TIE1: variants seen among roughly 807,000 people sequenced by gnomAD.
TIE1 encodes the protein tyrosine kinase with immunoglobulin like and EGF like domains 1.
In TIE1, 89 loss-of-function variants were observed where a neutral mutation model predicts 130.5. That is an observed-to-expected ratio of 0.68 (90% confidence interval 0.57 to 0.81). TIE1 has a LOEUF of 0.81. Among genes scored for constraint, TIE1 ranks in the 40% least tolerant of loss-of-function variants. The pLI is 0.00. For missense variants in TIE1, 1,392 were observed against 1,559.8 expected, an observed-to-expected ratio of 0.89 and a Z score of 1.81; for synonymous variants, 568 against 629.4, an observed-to-expected ratio of 0.90 and a Z score of 1.46.
At position 43,315,782 on chromosome 1, in the gene TIE1, A is replaced by G. The variant is rs1336235262; in HGVS notation, c.2410-1417A>G. Among the ~76,000 whole-genome samples the G allele has an allele frequency of 6.6e-6, 1 of 152,150 alleles. No homozygotes were observed. Among genetic ancestry groups the G allele is most frequent in the African/African-American group, 2.4e-5 (1 of 41,428 alleles). The stretch of plus-strand genomic sequence containing the variant: ...TGGTGGGGGAGGGTAATGGGTACAG[A>G]TGTCGAGGGCAGGAGGTGGGAAAGC... On this transcript the variant is annotated intron_variant, in intron 14 of 22. Transcript: ENST00000372476. The surrounding 1 kb of genome is among the most constrained non-coding windows in gnomAD (Gnocchi z 4.4).
At chr1:43,311,077 G>A (rs975584884) in intron 9 of TIE1, among the ~76,000 whole-genome samples, 2 of 152,188 alleles carry the variant, frequency 1.3e-5, no homozygotes, top group African/African-American at 4.8e-5. Context: ...GGAGTAGAAT[G>A]GATAGATCTG....
Position 43,306,212 on chromosome 1 carries a change from A to G in TIE1, c.485-628A>G, listed in dbSNP as rs1646726825. Among the ~76,000 whole-genome samples, 1 of 152,184 alleles carries G rather than the reference A, an allele frequency of 6.6e-6. No homozygotes were observed. Among genetic ancestry groups the G allele is most frequent in the Non-Finnish European group, 1.5e-5 (1 of 68,026 alleles). On this transcript the variant is annotated intron_variant, in intron 3 of 22. Transcript: ENST00000372476. This position sits in a 1 kb window ranked among gnomAD's most constrained non-coding sequence, Gnocchi z 4.9. ...AAGTGGGAAGACAAAGAAGGCAGAA[A>G]AGGAAGGAAGGGCCTTCCAGGAGGA...
At position 43,312,297 on chromosome 1, in the gene TIE1, G is replaced by A; in HGVS notation, c.1631-8G>A. 1.3e-6 allele frequency: 2 copies of A among 1,541,386 alleles called. No individual in the cohort carries two copies. The highest frequency in any genetic ancestry group is 1.8e-6 in the Non-Finnish European group (2 of 1,142,454). On this transcript the variant is annotated splice_polypyrimidine_tract_variant and splice_region_variant and intron_variant, in intron 11 of 22. Transcript: ENST00000372476. This position sits in a 1 kb window ranked among gnomAD's most constrained non-coding sequence, Gnocchi z 5.6. ...TGGACAGTTCTGACCCCTGACCTCT[G>A]GCCCCAGAGCCTTTGTTGCAGCCGT...
rs1298927956 is a variant in TIE1 at position 43,307,160 on chromosome 1, G to C, written c.659G>C (p.Trp220Ser). ...LIVRGCGAGR[W>S]GPGCTKECPG... is the part of the protein sequence containing the mutation. The stretch of plus-strand genomic sequence containing the variant: ...CCTCCAGGTTGTGGGGCTGGGCGCT[G>C]GGGGCCAGGCTGTACCAAGGAGTGC... Residue 220 changes from tryptophan (W) to serine (S), a missense_variant, in exon 5 of 23, where the codon TGG becomes TCG. This residue lies in a region of TIE1 where 415 missense variants were observed against 424.8 expected (regional missense o/e 0.98). Transcript: ENST00000372476. The surrounding 1 kb of genome is among the most constrained non-coding windows in gnomAD (Gnocchi z 5.4). 6.2e-7 allele frequency: 1 copy of C among 1,614,012 alleles called. No individual in the cohort carries two copies. Among genetic ancestry groups the C allele is most frequent in the East Asian group, 2.2e-5 (1 of 44,872 alleles).
In TIE1 at chr1:43,315,710, TTGGCTCTTCCTCTGAGGTCAG is replaced by T. The variant is rs1447032206; in HGVS notation, c.2410-1486_2410-1466del. Among the ~76,000 whole-genome samples the T allele has an allele frequency of 1.3e-5, 2 of 151,942 alleles. No homozygotes were observed. On this transcript the variant is annotated intron_variant, in intron 14 of 22. Transcript: ENST00000372476. The surrounding 1 kb of genome is among the most constrained non-coding windows in gnomAD (Gnocchi z 4.4). ...ATTGGCTTCTTTGTTCCAAGCTGTG[TTGGCTCTTCCTCTGAGGTCAG>T]TGCACACAGAAAGCCCTCACTGCTG...
At position 43,309,066 on chromosome 1, in the gene TIE1, G is replaced by T; in HGVS notation, c.1123G>T (p.Ala375Ser). 6.2e-7 allele frequency: 1 copy of T among 1,613,958 alleles called. No individual in the cohort carries two copies. The part of the protein sequence containing the change: ...ETMPRINCAA[A>S]GNPFPVRGSI... ...GATGCCCCGGATCAACTGTGCAGCT[G>T]CAGGGAACCCCTTCCCCGTGCGGGG... Residue 375 changes from alanine to serine, a missense_variant, in exon 8 of 23, where the codon GCA (alanine) becomes TCA (serine). Physicochemically the swap from Ala to Ser is moderately conservative, Grantham distance 99 (BLOSUM62 1). Transcript: ENST00000372476. The surrounding 1 kb of genome is among the most constrained non-coding windows in gnomAD (Gnocchi z 6.3).
chr1:43,312,169 G>A lies in TIE1; in HGVS notation c.1630+38G>A, dbSNP rs1557447534. ...GAGTCATCCCTTCCTGTCCCCCCAA[G>A]GGTTACTTTCCCGTCGACCCCAGGG... On this transcript the variant is annotated intron_variant, in intron 11 of 22. Transcript: ENST00000372476. This position sits in a 1 kb window ranked among gnomAD's most constrained non-coding sequence, Gnocchi z 5.6. 1 of 1,516,136 alleles carries A rather than the reference G, an allele frequency of 6.6e-7. No individual in the cohort carries two copies. The highest frequency in any genetic ancestry group is 8.8e-7 in the Non-Finnish European group (1 of 1,131,830). 93.9% of individuals were successfully genotyped at this position (1,516,136 alleles called of 1,614,324 possible).
Position 43,304,856 on chromosome 1 carries a change from G to T in TIE1, c.64G>T (p.Ala22Ser). The T allele has an allele frequency of 7.0e-7, 1 of 1,419,962 alleles. No individual in the cohort carries two copies. Among genetic ancestry groups the T allele is most frequent in the Non-Finnish European group, 9.1e-7 (1 of 1,093,492 alleles). 88.0% of individuals were successfully genotyped at this position (1,419,962 alleles called of 1,614,324 possible). A position where few individuals can be genotyped will look rare whatever the true frequency, so the allele number is the denominator to read the frequency against. ...ILFLASHVGA[A>S]VDLTLLANLR... ...CACTGGTGTCCTGGCCCCAGGCGCG[G>T]CGGTGGACCTGACGCTGCTGGCCAA... is the stretch of plus-strand genomic sequence containing the variant. Residue 22 changes from alanine to serine, a missense_variant, in exon 2 of 23, where the codon GCG becomes TCG. By Grantham distance (99) the Ala-to-Ser change is moderately conservative. Around this residue, in one of 6 missense-constraint regions of TIE1, gnomAD observed 415 missense variants for 424.8 expected, o/e 0.98. Coordinates refer to ENST00000372476, the MANE Select transcript of TIE1 (RefSeq NM_005424.5).
chr1:43,319,592 A>T lies in TIE1; in HGVS notation c.3107+63A>T. 3 of 1,521,840 alleles carry T rather than the reference A, an allele frequency of 2.0e-6. No individual in the cohort carries two copies. The highest frequency in any genetic ancestry group is 2.7e-6 in the Non-Finnish European group (3 of 1,096,728). 94.3% of individuals were successfully genotyped at this position (1,521,840 alleles called of 1,614,324 possible). A position where few individuals can be genotyped will look rare whatever the true frequency, so the allele number is the denominator to read the frequency against. On this transcript the variant is annotated intron_variant, in intron 19 of 22. Transcript: ENST00000372476. The surrounding 1 kb of genome is among the most constrained non-coding windows in gnomAD (Gnocchi z 4.7). ...CCCAAGAATCACCCAGGCCTGACCTAGACATATCTCAGAAATGTCATAGGT... is the reference window on the plus strand; with the variant it reads ...CCCAAGAATCACCCAGGCCTGACCTTGACATATCTCAGAAATGTCATAGGT...
Position 43,306,903 on chromosome 1 carries a change from C to G in TIE1, c.548C>G (p.Pro183Arg), listed in dbSNP as rs770489522. 14 of 1,614,040 alleles carry G rather than the reference C, an allele frequency of 8.7e-6. No individual in the cohort carries two copies. The highest frequency in any genetic ancestry group is 1.7e-5 in the Admixed American group (1 of 60,028). Residue 183 changes from proline to arginine, a missense_variant, in exon 4 of 23, where the codon CCA (proline) becomes CGA (arginine). Around this residue, in one of 6 missense-constraint regions of TIE1, gnomAD observed 415 missense variants for 424.8 expected, o/e 0.98. Transcript: ENST00000372476. This position sits in a 1 kb window ranked among gnomAD's most constrained non-coding sequence, Gnocchi z 4.9. ...GATGGGCGGTTCCTGCTGCAGCTCC[C>G]AAATGTGCAGCCACCATCGAGCGGC... ...AQDGRFLLQL[P>R]NVQPPSSGIY...
intron 22 of TIE1, among the ~76,000 whole-genome samples, chr1:43,321,952 T>C (rs549824498): frequency 6.6e-6 from 1 of 152,132 alleles, no homozygotes; most frequent in Admixed American, 6.5e-5. Context: ...CAACAGCAAA[T>C]CCCTACCTTA....
Position 43,307,164 on chromosome 1 carries a change from G to T in TIE1, c.663G>T (p.Gly221=), listed in dbSNP as rs758340860. The change falls in exon 5 of 23, where the codon GGG becomes GGT. Residue 221 remains glycine (G), a synonymous_variant. Coordinates refer to ENST00000372476, the MANE Select transcript of TIE1 (RefSeq NM_005424.5). This position sits in a 1 kb window ranked among gnomAD's most constrained non-coding sequence, Gnocchi z 5.4. The part of the protein sequence containing the change: ...IVRGCGAGRW[G]PGCTKECPGC... Reference sequence around the variant, plus strand: ...CAGGTTGTGGGGCTGGGCGCTGGGGGCCAGGCTGTACCAAGGAGTGCCCAG... The same window carrying T: ...CAGGTTGTGGGGCTGGGCGCTGGGGTCCAGGCTGTACCAAGGAGTGCCCAG... The T allele has an allele frequency of 7.0e-5, 113 of 1,613,986 alleles. No individual in the cohort carries two copies. The highest frequency in any genetic ancestry group is 9.4e-5 in the Non-Finnish European group (111 of 1,180,026).
rs1162490116 is a variant in TIE1 at position 43,309,190 on chromosome 1, C to T, written c.1188+59C>T. ...TCAGGCCGCCTGCTTCACAGCTGATCCCTAAGACCCCCTAGTCCCTCAGAA... is the reference window on the plus strand; with the variant it reads ...TCAGGCCGCCTGCTTCACAGCTGATTCCTAAGACCCCCTAGTCCCTCAGAA... On this transcript the variant is annotated intron_variant, in intron 8 of 22. Transcript: ENST00000372476. This position sits in a 1 kb window ranked among gnomAD's most constrained non-coding sequence, Gnocchi z 6.3. 2.1e-5 allele frequency: 32 copies of T among 1,537,898 alleles called. No homozygotes were observed. Among genetic ancestry groups the T allele is most frequent in the Non-Finnish European group, 2.8e-5 (32 of 1,141,162 alleles).
chr1:43,308,812 C>A, intron 7 of TIE1, 174 bp from the exon 8 acceptor site: 1 of 809,598 alleles, frequency 1.2e-6, no homozygotes, highest in Non-Finnish European at 2.1e-6. Context: ...GACTTTGCAG[C>A]TGATGGGATG....
At chr1:43,314,091 T>A (rs1646835585) in intron 14 of TIE1, 123 bp downstream of exon 14, 1 of 1,086,638 alleles carries the variant, frequency 9.2e-7, no homozygotes, top group African/African-American at 1.6e-5. Context: ...GTTGCAGGTA[T>A]AAGATTACAC....
chr1:43,306,392 T>C lies in TIE1; in HGVS notation c.485-448T>C, dbSNP rs537536950. The stretch of plus-strand genomic sequence containing the variant: ...CGGCCAAGTTGGTGAAAATGATGTC[T>C]AAGGAGCTGGATTTTTGTCCTGAGG... On this transcript the variant is annotated intron_variant, in intron 3 of 22. Coordinates refer to ENST00000372476, the MANE Select transcript of TIE1 (RefSeq NM_005424.5). The surrounding 1 kb of genome is among the most constrained non-coding windows in gnomAD (Gnocchi z 4.9). Among the ~76,000 whole-genome samples the C allele has an allele frequency of 1.3e-5, 2 of 152,240 alleles. No homozygotes were observed. The highest frequency in any genetic ancestry group is 4.2e-4 in the South Asian group (2 of 4,818).
At position 43,319,254 on chromosome 1, in the gene TIE1, C is replaced by T; in HGVS notation, c.2942C>T (p.Ala981Val). 1 of 1,614,104 alleles carries T rather than the reference C, an allele frequency of 6.2e-7. No individual in the cohort carries two copies. Among genetic ancestry groups the T allele is most frequent in the Non-Finnish European group, 8.5e-7 (1 of 1,179,978 alleles). Residue 981 changes from alanine (A) to valine (V), a missense_variant, in exon 18 of 23, where the codon GCT becomes GTT. Ala to Val is a moderately conservative substitution (Grantham distance 64). Transcript: ENST00000372476. The surrounding 1 kb of genome is among the most constrained non-coding windows in gnomAD (Gnocchi z 4.7). ...SEKQFIHRDL[A>V]ARNVLVGENL... Reference sequence around the variant, plus strand: ...CTACAGTTCATCCACAGGGACCTGGCTGCCCGGAATGTGCTGGTCGGAGAG... The same window carrying T: ...CTACAGTTCATCCACAGGGACCTGGTTGCCCGGAATGTGCTGGTCGGAGAG...
chr1:43,319,360 T>C lies in TIE1; in HGVS notation c.3036+12T>C. The C allele has an allele frequency of 6.2e-7, 1 of 1,611,650 alleles. No homozygotes were observed. Among genetic ancestry groups the C allele is most frequent in the African/African-American group, 1.3e-5 (1 of 74,948 alleles). On this transcript the variant is annotated intron_variant, in intron 18 of 22. Transcript: ENST00000372476. The surrounding 1 kb of genome is among the most constrained non-coding windows in gnomAD (Gnocchi z 4.7). ...TGAAGAAGACGATGGTGAGTCTCAT[T>C]CAACCCTCACCCTTAGGGCTTGTGC...
intron 1 of TIE1, among the ~76,000 whole-genome samples, chr1:43,304,342 G>GA (rs957004139): frequency 4.6e-5 from 7 of 152,194 alleles, no homozygotes; most frequent in African/African-American, 1.7e-4. Flanking sequence ...CAGAGAGGGG[G>GA]ACCCATGGGA....
Sources: allele counts gnomAD v4.1 joint callset (sites outside exome capture counted in the v4.1 genomes callset), GRCh38; gene constraint gnomAD v4.1.1; regional missense constraint gnomAD v4.1.1; non-coding constraint Gnocchi (gnomAD v3.1); transcripts MANE v1.5; gene names NCBI Gene and HGNC (gene_info 2026-07-23, HGNC 2026-07-21).